IBTK: variants seen among roughly 807,000 people sequenced by gnomAD.
IBTK encodes the protein inhibitor of Bruton tyrosine kinase.
A neutral mutation model predicts 154.9 loss-of-function variants in IBTK; 83 were observed. That is an observed-to-expected ratio of 0.54 (90% CI 0.45 to 0.64). The LOEUF is 0.64. Among genes scored for constraint, IBTK ranks in the 30% least tolerant of loss-of-function variants. The pLI, the probability that IBTK is intolerant of heterozygous loss-of-function variation, is 0.00. For missense variants in IBTK, 1,332 were observed against 1,584.6 expected (o/e 0.84, Z 2.71); for synonymous variants, 515 against 536.1 (o/e 0.96, Z 0.54).
Position 82,175,642 on chromosome 6 carries a change from T to C in IBTK, c.3726-2204A>G, listed in dbSNP as rs530173700. On this transcript the variant is annotated intron_variant, in intron 26 of 28. Coordinates refer to ENST00000306270, the MANE Select transcript of IBTK (RefSeq NM_015525.4). ...TATTGAGTTTTCAACATTAGCAACATAGAAGTAGATATCGCAAGAGACAAT... is the reference window on the plus strand; with the variant it reads ...TATTGAGTTTTCAACATTAGCAACACAGAAGTAGATATCGCAAGAGACAAT... Among the ~76,000 whole-genome samples, 5 of 152,296 alleles carry C rather than the reference T, an allele frequency of 3.3e-5. No individual in the cohort carries two copies. The South Asian group carries it at 1.0e-3, about 32-fold the overall frequency.
intron 4 of IBTK, among the ~76,000 whole-genome samples, chr6:82,229,120 T>C (rs1210133290): frequency 1.3e-5 from 2 of 152,134 alleles, no homozygotes; most frequent in African/African-American, 4.8e-5. Flanking sequence ...CCATACTTGC[T>C]TTCTCTTCCC....
rs970307799 is a variant in IBTK at position 82,171,300 on chromosome 6, GA to G, written c.*124del. The G allele has an allele frequency of 1.5e-6, 1 of 676,090 alleles. No homozygotes were observed. Among genetic ancestry groups the G allele is most frequent in the Admixed American group, 3.1e-5 (1 of 31,828 alleles). 41.9% of individuals were successfully genotyped at this position (676,090 alleles called of 1,614,324 possible). A position where few individuals can be genotyped will look rare whatever the true frequency, so the allele number is the denominator to read the frequency against. On this transcript the variant is annotated 3_prime_UTR_variant, in exon 29 of 29. Coordinates refer to ENST00000306270, the MANE Select transcript of IBTK (RefSeq NM_015525.4). ...CATTATATGATTTAACTGCAGTAAAGAAATTATATCTTTTCTTAATCTATTT... is the reference window on the plus strand; with the variant it reads ...CATTATATGATTTAACTGCAGTAAAGAATTATATCTTTTCTTAATCTATTT...
chr6:82,229,659 C>T (rs1770428997), intron 4 of IBTK, among the ~76,000 whole-genome samples: 1 of 152,088 alleles, frequency 6.6e-6, no homozygotes, highest in South Asian at 2.1e-4. Context: ...ACTTGCTGCC[C>T]CTGCTCTGAT....
chr6:82,227,413 G>T, intron 4 of IBTK, 111 bp from the exon 5 acceptor site: 1 of 523,642 alleles, frequency 1.9e-6, no homozygotes. Context: ...TGGATACAAG[G>T]GGAATTTATA....
intron 22 of IBTK, among the ~76,000 whole-genome samples, chr6:82,195,543 A>G (rs981790974): frequency 1.3e-5 from 2 of 151,846 alleles, no homozygotes; most frequent in African/African-American, 4.8e-5. Context: ...ATACCACTGC[A>G]CTCCAGCCTA....
intron 1 of IBTK, among the ~76,000 whole-genome samples, chr6:82,246,424 G>A (rs1771144827): frequency 6.8e-6 from 1 of 146,956 alleles, no homozygotes; most frequent in Admixed American, 6.9e-5. Context: ...CTCCCAGACT[G>A]CTGGGATTAC....
intron 10 of IBTK, among the ~76,000 whole-genome samples, chr6:82,217,387 A>G (rs139553128): frequency 1.4e-4 from 22 of 152,254 alleles, no homozygotes; most frequent in African/African-American, 5.1e-4. Flanking sequence ...GTGGATATTA[A>G]CATTAGTCTC....
intron 1 of IBTK, among the ~76,000 whole-genome samples, chr6:82,243,576 T>C (rs1442989919): frequency 6.6e-6 from 1 of 152,174 alleles, no homozygotes; most frequent in African/African-American, 2.4e-5. Context: ...AGTCACTGAG[T>C]AGCCCTCTTG....
intron 7 of IBTK, among the ~76,000 whole-genome samples, 156 bp from the exon 8 acceptor site, chr6:82,223,776 T>C (rs111232650): frequency 0.012 from 1,808 of 152,232 alleles, 31 homozygotes; most frequent in African/African-American, 0.039. Flanking sequence ...CTGTGCAACA[T>C]GGTGAAACCC....
At chr6:82,226,597 CTTTTTTGTTT>C (rs1488851305) in intron 5 of IBTK, among the ~76,000 whole-genome samples, 2 of 135,214 alleles carry the variant, frequency 1.5e-5, no homozygotes, top group East Asian at 5.5e-4. Flanking sequence ...AGTGTGCCTT[CTTTTTTGTTT>C]TTTTTTTTTT....
intron 26 of IBTK, chr6:82,174,806 T>A (rs141246379): frequency 0.014 from 5,034 of 362,638 alleles, 76 homozygotes; most frequent in Non-Finnish European, 0.017. Context: ...ATAATTTGTC[T>A]GATTAACAAG....
Position 82,216,247 on chromosome 6 carries a change from A to C in IBTK, c.1430T>G (p.Ile477Ser). The C allele has an allele frequency of 3.8e-6, 6 of 1,567,604 alleles. No individual in the cohort carries two copies. Among genetic ancestry groups the C allele is most frequent in the African/African-American group, 1.4e-5 (1 of 72,506 alleles). The change falls in exon 11 of 29, where the codon ATT becomes AGT. Residue 477 changes from isoleucine (I) to serine (S), a missense_variant. Physicochemically the swap from Ile to Ser is moderately radical, Grantham distance 142. Around this residue, in one of 3 missense-constraint regions of IBTK, gnomAD observed 1,134 missense variants for 1,274.7 expected, o/e 0.89. Coordinates refer to ENST00000306270, the MANE Select transcript of IBTK (RefSeq NM_015525.4). ...EKRKSSEKKEILSNLHNSSSD... is the reference protein window; with the variant it reads ...EKRKSSEKKESLSNLHNSSSD... ...TGAGGAATTGTGAAGGTTTGATAAA[A>C]TCTCTGTTAAAAAAAAATAAACTAC...
At chr6:82,185,347 C>A (rs945403783) in intron 25 of IBTK, among the ~76,000 whole-genome samples, 1 of 150,708 alleles carries the variant, frequency 6.6e-6, no homozygotes, top group African/African-American at 2.4e-5. Flanking sequence ...GACTGCTGAG[C>A]CTAGGAGTTC....
intron 21 of IBTK, among the ~76,000 whole-genome samples, chr6:82,197,294 G>A (rs536971796): frequency 2.0e-5 from 3 of 151,504 alleles, no homozygotes; most frequent in East Asian, 1.9e-4. Context: ...ACCTTAACAA[G>A]CTAAATGTTT....
chr6:82,214,033 G>C (rs545912698), intron 12 of IBTK, among the ~76,000 whole-genome samples, 194 bp downstream of exon 12: 1 of 152,072 alleles, frequency 6.6e-6, no homozygotes, highest in Non-Finnish European at 1.5e-5. Flanking sequence ...TCGGCTCACT[G>C]CAAGCTCCGC....
rs1582171356 is a variant in IBTK, at chr6:82,171,486, A to G, written c.4001T>C (p.Ile1334Thr). ...TGGTCCCTGCGGTGTCCTTTCAACA[A>G]TGACAAACTCTTCAGGGTTGCCAAA... ...EAFGNPEEFV[I>T]VERTPQGPLA... The change falls in exon 29 of 29, where the codon ATT becomes ACT. Residue 1334 changes from isoleucine (I) to threonine (T), a missense_variant. Ile to Thr is a moderately conservative substitution (Grantham distance 89, BLOSUM62 -1). Coordinates refer to ENST00000306270, the MANE Select transcript of IBTK (RefSeq NM_015525.4). 2 of 1,613,268 alleles carry G rather than the reference A, an allele frequency of 1.2e-6. No individual in the cohort carries two copies. Among genetic ancestry groups the G allele is most frequent in the East Asian group, 2.2e-5 (1 of 44,846 alleles).
intron 22 of IBTK, 111 bp from the exon 23 acceptor site, chr6:82,194,753 T>C (rs948387873): frequency 2.5e-5 from 18 of 717,154 alleles, no homozygotes; most frequent in South Asian, 2.3e-4. Flanking sequence ...TAAAATCTTA[T>C]GACAATAAGC....
chr6:82,215,330 A>G (rs1769825585), intron 11 of IBTK, among the ~76,000 whole-genome samples: 1 of 152,192 alleles, frequency 6.6e-6, no homozygotes, highest in Non-Finnish European at 1.5e-5. Context: ...CTCTCTGCTT[A>G]TGTGACTTAG....
In IBTK at chr6:82,200,695, T is replaced by C. The variant is rs372116331; in HGVS notation, c.2804A>G (p.Asp935Gly). The C allele has an allele frequency of 6.4e-7, 1 of 1,569,440 alleles. No individual in the cohort carries two copies. Among genetic ancestry groups the C allele is most frequent in the Non-Finnish European group, 8.6e-7 (1 of 1,164,278 alleles). ...TTGATATGGTGTAATGACTCTTCTA[T>C]CCATTGCTGGAATCTGCAGAATTGA... ...EFYRKMIPAMDRRVITPYQDG... is the reference protein window; with the variant it reads ...EFYRKMIPAMGRRVITPYQDG... The change falls in exon 20 of 29, where the codon GAT becomes GGT. Residue 935 changes from aspartate (D) to glycine (G), a missense_variant. This residue lies in a region of IBTK where 1,134 missense variants were observed against 1,274.7 expected (regional missense o/e 0.89). Coordinates refer to ENST00000306270, the MANE Select transcript of IBTK (RefSeq NM_015525.4).
Sources: allele counts gnomAD v4.1 joint callset (sites outside exome capture counted in the v4.1 genomes callset), GRCh38; gene constraint gnomAD v4.1.1; regional missense constraint gnomAD v4.1.1; transcripts MANE v1.5; gene names NCBI Gene and HGNC (gene_info 2026-07-23, HGNC 2026-07-21).